AOPEP: variants seen among roughly 807,000 people sequenced by gnomAD.
The protein encoded by AOPEP is aminopeptidase O (putative).
A neutral mutation model predicts 98.1 loss-of-function variants in AOPEP; 77 were observed. The ratio of observed to expected loss-of-function variants is 0.78; its 90% CI spans 0.65 to 0.95. The LOEUF (loss-of-function observed/expected upper bound fraction) is 0.95, where lower values mean the gene tolerates loss of function less well. AOPEP is among the 40% of genes least tolerant of loss of function. AOPEP has a pLI of 0.00. For missense variants in AOPEP, 1,024 were observed against 1,024.7 expected (o/e 1.00, Z 0.01); for synonymous variants, 346 against 365.3 (o/e 0.95, Z 0.60).
intron 13 of AOPEP, among the ~76,000 whole-genome samples, chr9:95,012,610 G>T (rs1589259804): frequency 6.6e-6 from 1 of 152,274 alleles, no homozygotes; most frequent in East Asian, 1.9e-4. Context: ...ACTGATGTCT[G>T]TGTGGGCTCA....
intron 7 of AOPEP, among the ~76,000 whole-genome samples, chr9:94,942,552 T>C (rs1016862125): frequency 6.6e-6 from 1 of 152,128 alleles, no homozygotes; most frequent in African/African-American, 2.4e-5. Context: ...TATTCAACAT[T>C]GTACTGGAGG....
chr9:95,041,444 G>GTGTGT (rs1564560850), intron 13 of AOPEP, among the ~76,000 whole-genome samples: 3 of 144,322 alleles, frequency 2.1e-5, no homozygotes, highest in Non-Finnish European at 4.6e-5. Context: ...AGAGTCCTTG[G>GTGTGT]GGGTGTGTGT....
At chr9:94,794,323 A>G (rs1053422154) in intron 4 of AOPEP, among the ~76,000 whole-genome samples, 3 of 152,216 alleles carry the variant, frequency 2.0e-5, no homozygotes, top group Admixed American at 6.5e-5. Context: ...CATTTTTCCT[A>G]TTGACAGACA....
At chr9:94,817,607 T>TAA (rs1455902645) in intron 5 of AOPEP, among the ~76,000 whole-genome samples, 1 of 152,188 alleles carries the variant, frequency 6.6e-6, no homozygotes, top group Non-Finnish European at 1.5e-5. Flanking sequence ...TAGGACGAGT[T>TAA]ATGGCATAAT....
intron 1 of AOPEP, among the ~76,000 whole-genome samples, chr9:94,758,832 C>A (rs1303166695): frequency 6.6e-6 from 1 of 151,976 alleles, no homozygotes; most frequent in Non-Finnish European, 1.5e-5. Context: ...TATTTTGATT[C>A]AGAACTTTTA....
At chr9:94,733,341 C>T (rs1831012634) in intron 1 of AOPEP, among the ~76,000 whole-genome samples, 1 of 152,072 alleles carries the variant, frequency 6.6e-6, no homozygotes, top group African/African-American at 2.4e-5. Context: ...CCCTTGGGCT[C>T]CAGTGATCCA....
At chr9:95,115,741 C>T in the AOPEP span, among the ~76,000 whole-genome samples, 1 of 152,220 alleles carries the variant, frequency 6.6e-6, no homozygotes, top group South Asian at 2.1e-4. Flanking sequence ...CGCCTCCCTC[C>T]TCTGAACTCC....
intron 13 of AOPEP, among the ~76,000 whole-genome samples, chr9:95,017,365 A>G (rs763965477): frequency 3.7e-4 from 56 of 152,344 alleles, no homozygotes; most frequent in Non-Finnish European, 6.6e-4. Context: ...AATTTGTACA[A>G]CATGTTACTG....
the AOPEP span, chr9:95,110,954 T>G: frequency 7.2e-7 from 1 of 1,383,994 alleles, no homozygotes; most frequent in Non-Finnish European, 9.3e-7. Context: ...GTGGTTAATA[T>G]CATCTGATTA....
rs750239475 is a variant in AOPEP, at chr9:94,933,133, G to A, written c.1661+4602G>A. Reference sequence around the variant, plus strand: ...CAGTGTTCCTTTCTGTCCTGCCACTGTTCAGCTCTCTCCTGTCATCTATCC... The same window carrying A: ...CAGTGTTCCTTTCTGTCCTGCCACTATTCAGCTCTCTCCTGTCATCTATCC... On this transcript the variant is annotated intron_variant, in intron 7 of 16. Transcript: ENST00000375315. The A allele has an allele frequency of 3.6e-4, 359 of 985,886 alleles. 1 individual carries two copies. The Middle Eastern group carries it at 8.9e-3, about 24-fold the overall frequency. 61.1% of individuals were successfully genotyped at this position (985,886 alleles called of 1,614,324 possible). A position where few individuals can be genotyped will look rare whatever the true frequency, so the allele number is the denominator to read the frequency against.
chr9:94,908,010 T>TA (rs2051427171), intron 5 of AOPEP, among the ~76,000 whole-genome samples: 1 of 152,186 alleles, frequency 6.6e-6, no homozygotes, highest in Non-Finnish European at 1.5e-5. Flanking sequence ...AGGGGAAGTA[T>TA]AAGACACCAG....
chr9:94,897,285 A>AT (rs1564342136), intron 5 of AOPEP, among the ~76,000 whole-genome samples: 1 of 152,148 alleles, frequency 6.6e-6, no homozygotes, highest in Non-Finnish European at 1.5e-5. Flanking sequence ...ATACATTCAG[A>AT]TTTTTTTATA....
chr9:94,735,717 TATTG>T (rs1273503569), intron 1 of AOPEP, among the ~76,000 whole-genome samples: 1 of 152,192 alleles, frequency 6.6e-6, no homozygotes, highest in African/African-American at 2.4e-5. Context: ...GAATATAATT[TATTG>T]ATTTTTAGTA....
rs1185080966 is a variant in AOPEP, at chr9:95,045,035, C to T, written c.2116-15659C>T. ...CATGCTCAGAAACAGGGGTCTTTAG[C>T]CAGAAAGGGCGCGCCAAGGACGGTG... On this transcript the variant is annotated intron_variant, in intron 13 of 16. Transcript: ENST00000375315. Among the ~76,000 whole-genome samples, 3 of 152,140 alleles carry T rather than the reference C, an allele frequency of 2.0e-5. No homozygotes were observed. The East Asian group carries it at 5.8e-4, about 29-fold the overall frequency.
At chr9:95,101,770 A>C in the AOPEP span, 1 of 1,614,134 alleles carries the variant, frequency 6.2e-7, no homozygotes, top group Non-Finnish European at 8.5e-7. Context: ...TAGGGCTTTC[A>C]ATGCCAAGAC....
At chr9:94,840,733 G>T (rs1283385916) in intron 5 of AOPEP, among the ~76,000 whole-genome samples, 1 of 151,956 alleles carries the variant, frequency 6.6e-6, no homozygotes, top group African/African-American at 2.4e-5. Context: ...GAAGTTTATA[G>T]TATTCATGCA....
chr9:95,057,741 A>G (rs1045650162), intron 13 of AOPEP, among the ~76,000 whole-genome samples: 1 of 152,058 alleles, frequency 6.6e-6, no homozygotes, highest in African/African-American at 2.4e-5. Flanking sequence ...CAGAAACTAC[A>G]TTTCCCCCCA....
intron 5 of AOPEP, among the ~76,000 whole-genome samples, chr9:94,809,634 G>T (rs974654274): frequency 3.3e-5 from 5 of 152,210 alleles, no homozygotes; most frequent in African/African-American, 1.2e-4. Flanking sequence ...TCACAGTTTG[G>T]TGCAGGAGGC....
rs1189107863 is a variant in AOPEP at position 94,760,480 on chromosome 9, G to A, written c.697G>A (p.Gly233Arg). 10 of 1,613,066 alleles carry A rather than the reference G, an allele frequency of 6.2e-6. No individual in the cohort carries two copies. The East Asian group carries it at 1.8e-4, about 29-fold the overall frequency. ...TTGGAGCTTGCAGATAAGGAAGACA[G>A]GGGCTCAGACAGCTACTGACTTTCC... Reference protein sequence around the residue: ...DTWSLQIRKTGAQTATDFPHA... With the variant: ...DTWSLQIRKTRAQTATDFPHA... The change falls in exon 2 of 17, where the codon GGG (glycine) becomes AGG (arginine). Residue 233 changes from glycine (G) to arginine (R), a missense_variant. Physicochemically the swap from Gly to Arg is moderately radical, Grantham distance 125. Transcript: ENST00000375315.
Sources: allele counts gnomAD v4.1 joint callset (sites outside exome capture counted in the v4.1 genomes callset), GRCh38; gene constraint gnomAD v4.1.1; transcripts MANE v1.5; gene names NCBI Gene and HGNC (gene_info 2026-07-23, HGNC 2026-07-21).